The following PPIL6 variants were observed in gnomAD, a reference collection of about 807,000 sequenced individuals.
PPIL6 encodes probable inactive peptidyl-prolyl cis-trans isomerase-like 6.
In PPIL6, 39 loss-of-function variants were observed where a neutral mutation model predicts 36.8. The observed-to-expected ratio is 1.06, with a 90% CI of 0.82 to 1.38. PPIL6 has a LOEUF of 1.38. Among genes scored for constraint, PPIL6 ranks in the 40% most tolerant of loss-of-function variants. PPIL6 has a pLI of 0.00. For synonymous variants in PPIL6, 123 were observed against 134.1 expected, an observed-to-expected ratio of 0.92 and a Z score of 0.57; for missense variants, 368 against 379.1, an observed-to-expected ratio of 0.97 and a Z score of 0.24.
At position 109,436,129 on chromosome 6, in the gene PPIL6, T is replaced by C; in HGVS notation, c.206A>G (p.His69Arg). 1.3e-6 allele frequency: 2 copies of C among 1,582,840 alleles called. No homozygotes were observed. Among genetic ancestry groups the C allele is most frequent in the South Asian group, 2.2e-5 (2 of 90,126 alleles). ...ILVPLQEFAW[H>R]QYLQEKKREL... ...CCTTTTTTTCTCCTGTAGATATTGA[T>C]GCCATGCAAATTCTTGAAGAGGAAC... Residue 69 changes from histidine (H) to arginine (R), a missense_variant, in exon 2 of 8, where the codon CAT (histidine) becomes CGT (arginine). Coordinates refer to ENST00000521072, the MANE Select transcript of PPIL6 (RefSeq NM_173672.5).
chr6:109,401,728 CTT>C (rs11397016), intron 6 of PPIL6, among the ~76,000 whole-genome samples: 1 of 145,972 alleles, frequency 6.9e-6, no homozygotes. Context: ...GAGAGTTTTT[CTT>C]TTTTTTTTTT....
At chr6:109,400,669 T>C (rs1772491297) in intron 6 of PPIL6, among the ~76,000 whole-genome samples, 1 of 152,178 alleles carries the variant, frequency 6.6e-6, no homozygotes, top group Admixed American at 6.5e-5. Flanking sequence ...ATTTCTTCTC[T>C]AGTAGGTGAA....
intron 1 of PPIL6, among the ~76,000 whole-genome samples, chr6:109,439,359 ATTAT>A (rs769074228): frequency 3.3e-5 from 5 of 152,008 alleles, no homozygotes; most frequent in Admixed American, 1.3e-4. Flanking sequence ...TTTTCTTTTT[ATTAT>A]TTATTTATTT....
intron 3 of PPIL6, among the ~76,000 whole-genome samples, chr6:109,428,549 TGAA>T (rs762337437): frequency 0.042 from 4,849 of 115,658 alleles, 125 homozygotes; most frequent in South Asian, 0.13. Context: ...TGAGACCCTA[TGAA>T]GAAAAAAAAA....
At chr6:109,417,254 G>A in intron 6 of PPIL6, among the ~76,000 whole-genome samples, 1 of 151,692 alleles carries the variant, frequency 6.6e-6, no homozygotes, top group East Asian at 1.9e-4. Context: ...TAGCTGCAGT[G>A]GCAGCTTCTC....
Position 109,393,040 on chromosome 6 carries a change from C to A in PPIL6, c.825-103G>T, listed in dbSNP as rs111452157. Reference sequence around the variant, plus strand: ...TACCCAGCTATAGCTAAGACTATTTCCTACAAATTGAATGAACATCAGCTC... The same window carrying A: ...TACCCAGCTATAGCTAAGACTATTTACTACAAATTGAATGAACATCAGCTC... On this transcript the variant is annotated intron_variant, in intron 7 of 7. Coordinates refer to ENST00000521072, the MANE Select transcript of PPIL6 (RefSeq NM_173672.5). The A allele has an allele frequency of 5.0e-4, 338 of 670,474 alleles. 2 individuals carry two copies. The highest frequency in any genetic ancestry group is 2.8e-3 in the African/African-American group (157 of 55,292). 41.5% of individuals were successfully genotyped at this position (670,474 alleles called of 1,614,324 possible). A position where few individuals can be genotyped will look rare whatever the true frequency, so the allele number is the denominator to read the frequency against.
At chr6:109,394,523 T>G (rs1167898217) in intron 7 of PPIL6, among the ~76,000 whole-genome samples, 1 of 152,118 alleles carries the variant, frequency 6.6e-6, no homozygotes, top group East Asian at 1.9e-4. Flanking sequence ...ATAGGACTGG[T>G]GCCCTCTGTC....
rs374573585 is a variant in PPIL6 at position 109,405,295 on chromosome 6, T to G, written c.689-5125A>C. ...TAACCATGCACTTAATGTTTCCTTA[T>G]AGTTTTAACATCCAAATATGCATTC... On this transcript the variant is annotated intron_variant, in intron 6 of 7. Coordinates refer to ENST00000521072, the MANE Select transcript of PPIL6 (RefSeq NM_173672.5). 1.2e-3 allele frequency among the ~76,000 whole-genome samples: 179 copies of G among 152,350 alleles called. 2 individuals carry two copies. The highest frequency in any genetic ancestry group is 3.4e-3 in the Middle Eastern group (1 of 294).
intron 2 of PPIL6, 31 bp from the exon 3 acceptor site, chr6:109,431,376 A>AC (rs768045452): frequency 2.0e-6 from 3 of 1,520,664 alleles, no homozygotes; most frequent in Non-Finnish European, 2.7e-6. Context: ...AAAAAAAAAA[A>AC]ACGTAAGAAG....
chr6:109,430,625 C>G (rs1774090909), intron 3 of PPIL6, among the ~76,000 whole-genome samples: 1 of 152,178 alleles, frequency 6.6e-6, no homozygotes, highest in Non-Finnish European at 1.5e-5. Flanking sequence ...TGACGTTTCA[C>G]CGTGTTGGCC....
intron 1 of PPIL6, among the ~76,000 whole-genome samples, chr6:109,438,985 A>G (rs571410747): frequency 6.6e-6 from 1 of 152,376 alleles, no homozygotes; most frequent in East Asian, 1.9e-4. Context: ...TTACTGGAAT[A>G]CTGTCATTCA....
intron 1 of PPIL6, among the ~76,000 whole-genome samples, chr6:109,439,025 C>T (rs1206679633): frequency 6.6e-6 from 1 of 152,184 alleles, no homozygotes; most frequent in African/African-American, 2.4e-5. Flanking sequence ...TTTTGCAACA[C>T]AGGAAAAAGC....
rs1404227378 is a variant in PPIL6, at chr6:109,392,723, A to G, written c.*103T>C. 2.7e-6 allele frequency: 2 copies of G among 727,952 alleles called. No homozygotes were observed. Among genetic ancestry groups the G allele is most frequent in the Non-Finnish European group, 4.6e-6 (2 of 438,626 alleles). 45.1% of individuals were successfully genotyped at this position (727,952 alleles called of 1,614,324 possible). A position where few individuals can be genotyped will look rare whatever the true frequency, so the allele number is the denominator to read the frequency against. On this transcript the variant is annotated 3_prime_UTR_variant, in exon 8 of 8. Transcript: ENST00000521072. ...GATGAGGCAACCTACAGTGTCTGCC[A>G]CGGCTTTCAAATTACAATTTATCAA...
At position 109,436,198 on chromosome 6, in the gene PPIL6, T is replaced by A; in HGVS notation, c.137A>T (p.Asn46Ile). Reference protein sequence around the residue: ...NFQIAKSAAENLKNNHPSKFE... With the variant: ...NFQIAKSAAEILKNNHPSKFE... ...TTTGGATGGATGATTATTCTTCAGA[T>A]TCTGGATTTCGAAATAGAATAATTA... The change falls in exon 2 of 8, where the codon AAT becomes ATT. Residue 46 changes from asparagine to isoleucine, a missense_variant and splice_region_variant. Physicochemically the swap from Asn to Ile is moderately radical, Grantham distance 149. Coordinates refer to ENST00000521072, the MANE Select transcript of PPIL6 (RefSeq NM_173672.5). 1 of 1,486,016 alleles carries A rather than the reference T, an allele frequency of 6.7e-7. No homozygotes were observed. The highest frequency in any genetic ancestry group is 1.2e-5 in the South Asian group (1 of 86,110). 92.1% of individuals were successfully genotyped at this position (1,486,016 alleles called of 1,614,324 possible). A position where few individuals can be genotyped will look rare whatever the true frequency, so the allele number is the denominator to read the frequency against.
At chr6:109,415,407 T>G (rs1391347605) in intron 6 of PPIL6, among the ~76,000 whole-genome samples, 1 of 152,208 alleles carries the variant, frequency 6.6e-6, no homozygotes, top group Non-Finnish European at 1.5e-5. Context: ...TTCCTCATGA[T>G]CTGGCACTGG....
chr6:109,397,779 G>C (rs894573955), intron 7 of PPIL6, among the ~76,000 whole-genome samples: 1 of 152,056 alleles, frequency 6.6e-6, no homozygotes, highest in African/African-American at 2.4e-5. Flanking sequence ...AGATATAAAA[G>C]ATCACCAGGA....
At chr6:109,440,350 G>A (rs1245289922) in intron 1 of PPIL6, 106 bp downstream of exon 1, 1 of 1,360,974 alleles carries the variant, frequency 7.3e-7, no homozygotes, top group Non-Finnish European at 1.0e-6. Flanking sequence ...TCGGCCGGTG[G>A]GGCCTCGACC....
At chr6:109,440,099 A>G (rs1014212220) in intron 1 of PPIL6, 11 of 331,204 alleles carry the variant, frequency 3.3e-5, no homozygotes, top group Admixed American at 9.2e-5. Context: ...TTTTCCATAA[A>G]TTTAAATATC....
intron 6 of PPIL6, among the ~76,000 whole-genome samples, chr6:109,402,497 A>G (rs1426055817): frequency 1.3e-5 from 2 of 151,900 alleles, no homozygotes; most frequent in Non-Finnish European, 2.9e-5. Flanking sequence ...GATTGCGCCA[A>G]TGCACTCCAG....
Sources: gnomAD v4.1 joint callset for allele counts (sites outside exome capture counted in the v4.1 genomes callset) on GRCh38, gnomAD v4.1.1 for gene constraint, MANE v1.5 for transcripts, NCBI Gene and HGNC (gene_info 2026-07-23, HGNC 2026-07-21) for gene names.